The following SHANK2 variants were observed in gnomAD, a reference collection of about 807,000 sequenced individuals.
The protein encoded by SHANK2 is SH3 and multiple ankyrin repeat domains 2.
Under a neutral mutation model 133.7 loss-of-function variants are expected in SHANK2, and 43 were observed. The observed-to-expected ratio is 0.32, with a 90% CI of 0.25 to 0.41. The LOEUF is 0.41. Among genes scored for constraint, SHANK2 ranks in the 10% least tolerant of loss-of-function variants. The probability of loss-of-function intolerance (pLI) is 1.00; values close to 1 mark genes in which losing one functional copy is unlikely to be tolerated. For missense variants in SHANK2, 1,994 were observed against 2,235.8 expected (o/e 0.89, Z 2.18); for synonymous variants, 1,017 against 952.8 (o/e 1.07, Z -1.24).
intron 2 of SHANK2, among the ~76,000 whole-genome samples, chr11:71,151,254 C>A (rs533304281): frequency 6.8e-6 from 1 of 147,862 alleles, no homozygotes; most frequent in South Asian, 2.2e-4. Context: ...CCCGGGGAGG[C>A]CACGGGCAGT....
At chr11:70,480,692 G>A (rs962312731) in intron 25 of SHANK2, among the ~76,000 whole-genome samples, 6 of 152,214 alleles carry the variant, frequency 3.9e-5, no homozygotes, top group Admixed American at 3.3e-4. Flanking sequence ...GATTAGTGAC[G>A]GAATTGCTGC....
chr11:70,816,049 C>A (rs894291210), intron 12 of SHANK2, among the ~76,000 whole-genome samples: 1 of 152,214 alleles, frequency 6.6e-6, no homozygotes, highest in Non-Finnish European at 1.5e-5. Flanking sequence ...GTGCTCCCTG[C>A]CCCATGGCAG....
chr11:70,497,899 C>T (rs1453868101), intron 21 of SHANK2, among the ~76,000 whole-genome samples: 1 of 152,260 alleles, frequency 6.6e-6, no homozygotes, highest in Non-Finnish European at 1.5e-5. Context: ...CACTGTCCAG[C>T]GAGTTCCTTT....
intron 2 of SHANK2, among the ~76,000 whole-genome samples, chr11:71,183,243 G>C (rs978547576): frequency 6.6e-6 from 1 of 152,190 alleles, no homozygotes; most frequent in Non-Finnish European, 1.5e-5. Flanking sequence ...GTGATGGAGG[G>C]ACAAGGGGCA....
At chr11:70,800,451 T>A (rs2135234050) in intron 13 of SHANK2, among the ~76,000 whole-genome samples, 1 of 152,312 alleles carries the variant, frequency 6.6e-6, no homozygotes, top group African/African-American at 2.4e-5. Flanking sequence ...TTTAAATTAC[T>A]CAGGATCCAA....
chr11:70,889,696 C>T (rs1949809168), intron 11 of SHANK2, among the ~76,000 whole-genome samples: 1 of 152,166 alleles, frequency 6.6e-6, no homozygotes, highest in African/African-American at 2.4e-5. Flanking sequence ...CAGATGCACC[C>T]CAAATCATAC....
chr11:70,671,709 T>C (rs886946871), intron 15 of SHANK2, among the ~76,000 whole-genome samples: 2 of 152,146 alleles, frequency 1.3e-5, no homozygotes, highest in Non-Finnish European at 2.9e-5. Flanking sequence ...CCCACACTGT[T>C]TGTGTCTCAG....
intron 14 of SHANK2, among the ~76,000 whole-genome samples, chr11:70,793,270 C>T (rs1264211961): frequency 6.6e-6 from 1 of 152,148 alleles, no homozygotes; most frequent in Non-Finnish European, 1.5e-5. Context: ...CCTGCATATA[C>T]AGAGGGCTGA....
intron 10 of SHANK2, among the ~76,000 whole-genome samples, chr11:70,909,371 A>C (rs1338410526): frequency 2.0e-5 from 3 of 152,068 alleles, no homozygotes; most frequent in Non-Finnish European, 2.9e-5. Context: ...AGAAGAGGAG[A>C]TTTCTGGGGA....
At chr11:71,152,768 C>G (rs1259272656) in intron 2 of SHANK2, among the ~76,000 whole-genome samples, 1 of 152,156 alleles carries the variant, frequency 6.6e-6, no homozygotes, top group Non-Finnish European at 1.5e-5. Flanking sequence ...CCAGAACTAT[C>G]CTGGGAGCTC....
At chr11:71,222,912 G>A (rs1041024819) in intron 2 of SHANK2, among the ~76,000 whole-genome samples, 4 of 152,234 alleles carry the variant, frequency 2.6e-5, no homozygotes, top group Admixed American at 6.5e-5. Context: ...CACAGACGAG[G>A]GGGACTGTGG....
intron 14 of SHANK2, among the ~76,000 whole-genome samples, chr11:70,770,762 C>A (rs1426708517): frequency 2.0e-5 from 3 of 152,132 alleles, no homozygotes; most frequent in African/African-American, 7.2e-5. Context: ...GGAAAAGTAA[C>A]CTTTCCCCCA....
At chr11:70,562,672 G>A (rs917202809) in intron 17 of SHANK2, among the ~76,000 whole-genome samples, 28 of 152,278 alleles carry the variant, frequency 1.8e-4, no homozygotes, top group African/African-American at 6.7e-4. Context: ...TAAAGCGAGT[G>A]CTCCTTGGAG....
At chr11:70,680,817 G>T (rs1555018233) in intron 15 of SHANK2, among the ~76,000 whole-genome samples, 1 of 152,128 alleles carries the variant, frequency 6.6e-6, no homozygotes, top group East Asian at 1.9e-4. Flanking sequence ...CGCAGATTGT[G>T]GGCTGACTCA....
chr11:71,155,111 CGG>C (rs1590968118), intron 2 of SHANK2, among the ~76,000 whole-genome samples: 7 of 121,168 alleles, frequency 5.8e-5, no homozygotes, highest in East Asian at 2.7e-4. Context: ...CCCACGCTCC[CGG>C]AGGAGGGGTG....
chr11:70,818,521 G>C (rs905145965), intron 12 of SHANK2, among the ~76,000 whole-genome samples: 62 of 152,258 alleles, frequency 4.1e-4, no homozygotes, highest in Admixed American at 4.1e-3. Flanking sequence ...CTGGGTGAAG[G>C]GGACACACTC....
chr11:71,186,390 C>T (rs188862586), intron 2 of SHANK2, among the ~76,000 whole-genome samples: 1 of 152,340 alleles, frequency 6.6e-6, no homozygotes, highest in East Asian at 1.9e-4. Context: ...CTAACTGAAC[C>T]AGGCGCCTTA....
Position 71,125,906 on chromosome 11 carries a change from C to T in SHANK2, c.208-6874G>A, listed in dbSNP as rs117661321. The stretch of plus-strand genomic sequence containing the variant: ...ATGCTAATATATCATTCAAAAAAAC[C>T]GAGGGCCCTTAAGAATGATGCTAAA... On this transcript the variant is annotated intron_variant, in intron 3 of 25. Transcript: ENST00000601538. Among the ~76,000 whole-genome samples the T allele has an allele frequency of 4.3e-4, 65 of 152,090 alleles. No homozygotes were observed. In the East Asian group the frequency reaches 8.5e-3, roughly 20 times the overall value.
intron 14 of SHANK2, among the ~76,000 whole-genome samples, chr11:70,788,063 G>A (rs1947708123): frequency 6.6e-6 from 1 of 152,244 alleles, no homozygotes; most frequent in South Asian, 2.1e-4. Context: ...TACATGGCCT[G>A]CAGGATGGCG....
Sources: allele counts gnomAD v4.1 joint callset (sites outside exome capture counted in the v4.1 genomes callset), GRCh38; gene constraint gnomAD v4.1.1; transcripts MANE v1.5; gene names NCBI Gene and HGNC (gene_info 2026-07-23, HGNC 2026-07-21).